The following MYO1E variants were observed in gnomAD, a reference collection of about 807,000 sequenced individuals.
MYO1E encodes unconventional myosin-Ie.
Under a neutral mutation model 151.1 loss-of-function variants are expected in MYO1E, and 68 were observed. The observed-to-expected ratio is 0.45, with a 90% CI of 0.37 to 0.55. The LOEUF is 0.55. Among genes scored for constraint, MYO1E ranks in the 20% least tolerant of loss-of-function variants. The pLI is 0.00. For missense variants in MYO1E, 1,363 were observed against 1,389.3 expected (o/e 0.98, Z 0.30); for synonymous variants, 601 against 501.7 (o/e 1.20, Z -2.64).
At chr15:59,236,134 G>A (rs2080061563) in intron 5 of MYO1E, among the ~76,000 whole-genome samples, 3 of 151,910 alleles carry the variant, frequency 2.0e-5, no homozygotes, top group Admixed American at 6.6e-5. Flanking sequence ...CTGAGGTCAG[G>A]AGTTCGAGAC....
At chr15:59,223,315 G>GAAAAAAAAAAAA (rs10711975) in intron 8 of MYO1E, 124 bp from the exon 9 acceptor site, 1 of 724,574 alleles carries the variant, frequency 1.4e-6, no homozygotes. Context: ...GAGTTACAAA[G>GAAAAAAAAAAAA]AAAAAAAAAA....
intron 1 of MYO1E, among the ~76,000 whole-genome samples, chr15:59,371,586 A>C (rs2080945046): frequency 6.6e-6 from 1 of 152,100 alleles, no homozygotes; most frequent in Non-Finnish European, 1.5e-5. Flanking sequence ...GGGAGTTGGA[A>C]TAGCAGAAAA....
intron 1 of MYO1E, among the ~76,000 whole-genome samples, chr15:59,297,648 G>A (rs1204381171): frequency 6.6e-6 from 1 of 151,492 alleles, no homozygotes; most frequent in African/African-American, 2.4e-5. Flanking sequence ...GTGGTGCGAT[G>A]AGGGCTCACT....
chr15:59,204,255 T>C (rs1299620410), intron 15 of MYO1E, among the ~76,000 whole-genome samples: 2 of 151,938 alleles, frequency 1.3e-5, no homozygotes, highest in Admixed American at 1.3e-4. Context: ...AGCGCAGGGA[T>C]GGAGAGCAGA....
At chr15:59,150,259 TG>T (rs2079467947) in intron 26 of MYO1E, among the ~76,000 whole-genome samples, 1 of 152,214 alleles carries the variant, frequency 6.6e-6, no homozygotes, top group Admixed American at 6.5e-5. Flanking sequence ...TCCGGCCTCA[TG>T]GCCTGCCTCC....
chr15:59,355,918 A>C (rs1257067858), intron 1 of MYO1E, among the ~76,000 whole-genome samples: 1 of 152,006 alleles, frequency 6.6e-6, no homozygotes, highest in Non-Finnish European at 1.5e-5. Context: ...GGGGTCTCAC[A>C]ATGTTGCCCA....
chr15:59,242,780 C>T (rs529625515), intron 4 of MYO1E, among the ~76,000 whole-genome samples: 1 of 152,206 alleles, frequency 6.6e-6, no homozygotes, highest in Admixed American at 6.5e-5. Context: ...CCTACAGAAC[C>T]AGGTGATCAA....
intron 25 of MYO1E, among the ~76,000 whole-genome samples, chr15:59,154,592 C>T (rs1360792561): frequency 1.3e-5 from 2 of 152,152 alleles, no homozygotes; most frequent in Non-Finnish European, 2.9e-5. Flanking sequence ...GTGAACCCTA[C>T]CTAAAGACCT....
intron 2 of MYO1E, among the ~76,000 whole-genome samples, chr15:59,265,233 T>C (rs2080246439): frequency 6.6e-6 from 1 of 152,160 alleles, no homozygotes; most frequent in African/African-American, 2.4e-5. Flanking sequence ...AAAGGGAATG[T>C]GGTTACTGCC....
chr15:59,214,537 T>G, intron 11 of MYO1E, 103 bp downstream of exon 11: 1 of 1,184,718 alleles, frequency 8.4e-7, no homozygotes. Flanking sequence ...TTGTTGTGGT[T>G]TGTTTTCTGT....
intron 17 of MYO1E, among the ~76,000 whole-genome samples, chr15:59,194,557 A>G (rs1480255144): frequency 6.6e-6 from 1 of 152,172 alleles, no homozygotes; most frequent in Non-Finnish European, 1.5e-5. Flanking sequence ...TCGACACCTA[A>G]AAGAGCCTAC....
intron 17 of MYO1E, 73 bp downstream of exon 17, chr15:59,195,388 G>C: frequency 7.6e-7 from 1 of 1,322,178 alleles, no homozygotes; most frequent in African/African-American, 1.4e-5. Context: ...GCTCCTGCCT[G>C]TGATGGAGGA....
intron 14 of MYO1E, chr15:59,207,093 G>T (rs778986327): frequency 6.2e-7 from 1 of 1,614,086 alleles, no homozygotes; most frequent in Non-Finnish European, 8.5e-7. Flanking sequence ...GCAAGATGGC[G>T]ACTGTGAAGA....
chr15:59,149,060 T>TTTTTG (rs1596341836), intron 26 of MYO1E, among the ~76,000 whole-genome samples: 1 of 140,544 alleles, frequency 7.1e-6, no homozygotes, highest in Admixed American at 7.0e-5. Flanking sequence ...TTGTTTTTTT[T>TTTTTG]TTTTTTTTTT....
At chr15:59,354,548 G>A (rs1293725371) in intron 1 of MYO1E, among the ~76,000 whole-genome samples, 3 of 152,122 alleles carry the variant, frequency 2.0e-5, no homozygotes, top group Non-Finnish European at 2.9e-5. Flanking sequence ...CGAACAGACT[G>A]CTGCCTCCAT....
intron 20 of MYO1E, 37 bp from the exon 21 acceptor site, chr15:59,173,952 AAGTC>A (rs1447509518): frequency 6.2e-7 from 1 of 1,607,102 alleles, no homozygotes; most frequent in South Asian, 1.1e-5. Flanking sequence ...GAAGAAGGAT[AAGTC>A]AGTCAGAAAA....
intron 1 of MYO1E, among the ~76,000 whole-genome samples, chr15:59,310,164 T>C (rs1389465031): frequency 2.6e-5 from 4 of 152,160 alleles, no homozygotes; most frequent in African/African-American, 9.7e-5. Context: ...CCAGGCAGCT[T>C]CCTAGCGCTC....
At chr15:59,160,125 C>T (rs113229875) in intron 24 of MYO1E, among the ~76,000 whole-genome samples, 1,557 of 152,188 alleles carry the variant, frequency 0.01, 26 homozygotes, top group African/African-American at 0.035. Flanking sequence ...CATGAGCCAC[C>T]GTGCCTGGCC....
In MYO1E at chr15:59,194,897, T is replaced by C. The variant is rs572096319; in HGVS notation, c.1805+564A>G. ...GGAAGTCAGGGCAGAAAGGGTTTGC[T>C]GAATTCTTGTGCTCTGCATTTCCCT... On this transcript the variant is annotated intron_variant, in intron 17 of 27. Transcript: ENST00000288235. 4.7e-4 allele frequency among the ~76,000 whole-genome samples: 72 copies of C among 152,346 alleles called. 3 individuals are homozygous for C. In the Middle Eastern group the frequency reaches 0.01, roughly 22 times the overall value.
Sources: allele counts gnomAD v4.1 joint callset (sites outside exome capture counted in the v4.1 genomes callset), GRCh38; gene constraint gnomAD v4.1.1; transcripts MANE v1.5; gene names NCBI Gene and HGNC (gene_info 2026-07-23, HGNC 2026-07-21).